Variants in TMC7 observed in about 807,000 individuals in gnomAD.
TMC7 encodes the protein transmembrane channel like 7.
Under a neutral mutation model 82.9 loss-of-function variants are expected in TMC7, and 54 were observed. That is an observed-to-expected ratio of 0.65 (90% CI 0.52 to 0.82). TMC7 has a LOEUF of 0.82. TMC7 is among the 40% of genes least tolerant of loss of function. The pLI is 0.00. For missense variants in TMC7, 820 were observed against 901.2 expected, an observed-to-expected ratio of 0.91 and a Z score of 1.15; for synonymous variants, 350 against 337.9, an observed-to-expected ratio of 1.04 and a Z score of -0.39.
intron 9 of TMC7, among the ~76,000 whole-genome samples, chr16:19,043,291 A>G (rs1196939505): frequency 6.6e-6 from 1 of 152,172 alleles, no homozygotes; most frequent in Non-Finnish European, 1.5e-5. Context: ...ACCCTGATAC[A>G]GAAAAGATTC....
rs2038795896 is a variant in TMC7, at chr16:18,983,999, G to GGCC, written c.-63_-62insCGC. The GGCC allele has an allele frequency of 5.1e-6, 6 of 1,187,170 alleles. No homozygotes were observed. In the South Asian group the frequency reaches 1.2e-4, roughly 24 times the overall value. The allele number at this position is 1,187,170 out of a possible 1,614,324, so 73.5% of individuals were successfully genotyped here. A position where few individuals can be genotyped will look rare whatever the true frequency, so the allele number is the denominator to read the frequency against. On this transcript the variant is annotated 5_prime_UTR_variant, in exon 1 of 16. Coordinates refer to ENST00000304381, the MANE Select transcript of TMC7 (RefSeq NM_024847.4). ...CGGCTCCGCGAGGGAAGGCCGGGGA[G>GGCC]GCGGCGGCGGCGGCGGCGGCTGGAG...
intron 1 of TMC7, among the ~76,000 whole-genome samples, chr16:18,991,569 TTTTATTTATTTA>T (rs925250430): frequency 6.6e-6 from 1 of 152,122 alleles, no homozygotes; most frequent in Non-Finnish European, 1.5e-5. Flanking sequence ...ATTGTTTCTT[TTTTATTTATTTA>T]TTTACTTATT....
chr16:19,006,753 G>A (rs2039246982), intron 1 of TMC7, among the ~76,000 whole-genome samples: 1 of 152,220 alleles, frequency 6.6e-6, no homozygotes, highest in Non-Finnish European at 1.5e-5. Flanking sequence ...TGGCGCTGGA[G>A]CACCCAAGAT....
At chr16:19,020,342 G>A (rs1959906542) in intron 3 of TMC7, among the ~76,000 whole-genome samples, 2 of 152,158 alleles carry the variant, frequency 1.3e-5, no homozygotes, top group South Asian at 4.1e-4. Context: ...AGCCAATGTA[G>A]TAGGATGGGC....
intron 1 of TMC7, 99 bp downstream of exon 1, chr16:18,984,229 T>A: frequency 3.7e-6 from 5 of 1,358,938 alleles, no homozygotes; most frequent in Non-Finnish European, 4.7e-6. Flanking sequence ...CGCTGTTCCC[T>A]CCCACCCCCG....
chr16:18,989,567 A>G (rs2038911918), intron 1 of TMC7, among the ~76,000 whole-genome samples: 1 of 139,834 alleles, frequency 7.2e-6, no homozygotes, highest in South Asian at 2.3e-4. Flanking sequence ...CCCTTGGAGG[A>G]GGAGGAAGGG....
intron 1 of TMC7, among the ~76,000 whole-genome samples, chr16:19,006,265 A>G (rs972551742): frequency 3.3e-5 from 5 of 149,632 alleles, no homozygotes; most frequent in African/African-American, 1.2e-4. Flanking sequence ...CAATGGCACG[A>G]TCTCGGCTCA....
At chr16:19,027,840 T>G (rs1960307238) in intron 5 of TMC7, among the ~76,000 whole-genome samples, 1 of 152,134 alleles carries the variant, frequency 6.6e-6, no homozygotes, top group African/African-American at 2.4e-5. Flanking sequence ...TATGCTCAGC[T>G]TCAATAAATT....
chr16:19,002,218 T>C (rs1247505445), intron 1 of TMC7, among the ~76,000 whole-genome samples: 3 of 151,360 alleles, frequency 2.0e-5, no homozygotes, highest in African/African-American at 7.3e-5. Flanking sequence ...TCATTCATTC[T>C]TCAGATGGAG....
intron 3 of TMC7, among the ~76,000 whole-genome samples, chr16:19,017,323 AAT>A (rs959495426): frequency 1.3e-5 from 2 of 150,016 alleles, no homozygotes; most frequent in African/African-American, 4.9e-5. Flanking sequence ...ATTTAAAAAT[AAT>A]ATTAAATTAT....
At chr16:19,010,017 TC>T (rs1567508017) in intron 2 of TMC7, among the ~76,000 whole-genome samples, 1 of 147,172 alleles carries the variant, frequency 6.8e-6, no homozygotes, top group Non-Finnish European at 1.5e-5. Context: ...ATTCCTCCCT[TC>T]CTCCCTCCCT....
intron 6 of TMC7, among the ~76,000 whole-genome samples, chr16:19,031,548 G>A (rs1188257321): frequency 6.6e-6 from 1 of 152,218 alleles, no homozygotes; most frequent in African/African-American, 2.4e-5. Context: ...GCACACACCT[G>A]TAGTCCCAGC....
At chr16:19,005,368 G>A (rs1476958226) in intron 1 of TMC7, among the ~76,000 whole-genome samples, 1 of 152,162 alleles carries the variant, frequency 6.6e-6, no homozygotes, top group Non-Finnish European at 1.5e-5. Context: ...GATTACAGGC[G>A]TGAGCCACCA....
At chr16:18,998,391 A>C (rs1161913082) in intron 1 of TMC7, among the ~76,000 whole-genome samples, 1 of 152,106 alleles carries the variant, frequency 6.6e-6, no homozygotes, top group Non-Finnish European at 1.5e-5. Context: ...AGGCCTTGCC[A>C]CCTTCTCGGA....
At chr16:19,036,038 G>T (rs1351315865) in intron 7 of TMC7, among the ~76,000 whole-genome samples, 1 of 152,120 alleles carries the variant, frequency 6.6e-6, no homozygotes, top group African/African-American at 2.4e-5. Context: ...GGTGAACTGG[G>T]ACTGGGAAGT....
At position 19,037,924 on chromosome 16, in the gene TMC7, A is replaced by C. The variant is rs144200510; in HGVS notation, c.1056A>C (p.Ser352=). 1.9e-6 allele frequency: 3 copies of C among 1,613,852 alleles called. No individual in the cohort carries two copies. Among genetic ancestry groups the C allele is most frequent in the African/African-American group, 2.7e-5 (2 of 74,924 alleles). ...GGCAGAAAATAGCAGAAAGGACCTC[A>C]GAAGAAACAATACGCATTTACTCTT... ...RMRQKIAERT[S]EETIRIYSLR... is the part of the protein sequence containing the mutation. The change falls in exon 8 of 16, where the codon TCA becomes TCC. Residue 352 remains serine (S), a synonymous_variant. Transcript: ENST00000304381.
intron 14 of TMC7, among the ~76,000 whole-genome samples, chr16:19,057,981 A>G (rs866137712): frequency 3.6e-4 from 54 of 148,498 alleles, no homozygotes; most frequent in African/African-American, 1.3e-3. Flanking sequence ...GTGTCTTGCT[A>G]TGTTGCCCAG....
chr16:19,003,933 C>A (rs1272240883), intron 1 of TMC7, among the ~76,000 whole-genome samples: 1 of 130,594 alleles, frequency 7.7e-6, no homozygotes, highest in Non-Finnish European at 1.6e-5. Context: ...AAACCAGAGA[C>A]CTTTGTTCAC....
chr16:19,058,427 C>T (rs1961866754), intron 14 of TMC7, among the ~76,000 whole-genome samples: 1 of 151,974 alleles, frequency 6.6e-6, no homozygotes, highest in African/African-American at 2.4e-5. Flanking sequence ...TTATCCCAAG[C>T]TTGCAAACAC....
Sources: gnomAD v4.1 joint callset for allele counts (sites outside exome capture counted in the v4.1 genomes callset) on GRCh38, gnomAD v4.1.1 for gene constraint, MANE v1.5 for transcripts, NCBI Gene and HGNC (gene_info 2026-07-23, HGNC 2026-07-21) for gene names.